Variants in ROBO1 observed in about 807,000 individuals in gnomAD.
The protein encoded by ROBO1 is roundabout guidance receptor 1.
Under a neutral mutation model 195.9 loss-of-function variants are expected in ROBO1, and 149 were observed. The observed-to-expected ratio is 0.76, with a 90% confidence interval of 0.67 to 0.87. The LOEUF (loss-of-function observed/expected upper bound fraction) is 0.87. ROBO1 is among the 40% of genes least tolerant of loss of function. The pLI is 0.00. For synonymous variants in ROBO1, 816 were observed against 733.2 expected (o/e 1.11, Z -1.82); for missense variants, 1,933 against 2,068.3 (o/e 0.93, Z 1.27).
intron 4 of ROBO1, among the ~76,000 whole-genome samples, chr3:78,920,934 G>A (rs1331147107): frequency 6.6e-6 from 1 of 152,020 alleles, no homozygotes; most frequent in African/African-American, 2.4e-5. Flanking sequence ...TCCTGCCTCA[G>A]CATCCCAAAG....
chr3:79,159,562 G>A (rs1335042814), intron 2 of ROBO1, among the ~76,000 whole-genome samples: 2 of 152,058 alleles, frequency 1.3e-5, no homozygotes, highest in South Asian at 2.1e-4. Flanking sequence ...TTTGAAGAGA[G>A]CAACCATTTG....
intron 2 of ROBO1, among the ~76,000 whole-genome samples, chr3:79,271,998 G>A (rs1436486993): frequency 6.6e-6 from 1 of 152,034 alleles, no homozygotes; most frequent in African/African-American, 2.4e-5. Context: ...AAAAATGAGT[G>A]CGTGGGGTGG....
At chr3:79,625,447 A>G (rs1262062107) in intron 1 of ROBO1, among the ~76,000 whole-genome samples, 1 of 144,522 alleles carries the variant, frequency 6.9e-6, no homozygotes, top group Non-Finnish European at 1.5e-5. Context: ...AAAAAAAAGC[A>G]AAATAGACCA....
chr3:79,766,965 T>C (rs1705032437), intron 1 of ROBO1, among the ~76,000 whole-genome samples: 1 of 152,034 alleles, frequency 6.6e-6, no homozygotes, highest in African/African-American at 2.4e-5. Context: ...CTCTCATTCT[T>C]CCTCCTTCCC....
chr3:79,237,405 C>T (rs1285660634), intron 2 of ROBO1, among the ~76,000 whole-genome samples: 8 of 151,844 alleles, frequency 5.3e-5, no homozygotes, highest in African/African-American at 1.9e-4. Flanking sequence ...GGCGGGAACC[C>T]AGGAGGCGGA....
chr3:79,533,793 A>G (rs1309162285), intron 2 of ROBO1, among the ~76,000 whole-genome samples: 2 of 152,176 alleles, frequency 1.3e-5, no homozygotes, highest in Non-Finnish European at 2.9e-5. Context: ...TCTTCTATCC[A>G]AGCTTCAAAT....
chr3:78,657,226 G>C lies in ROBO1; in HGVS notation c.2486C>G (p.Thr829Arg). The change falls in exon 18 of 31, where the codon ACA becomes AGA. Residue 829 changes from threonine to arginine, a missense_variant. Transcript: ENST00000464233. ...CACGGAAAAGGTGGAACCATCCACT[G>C]TTTTGTTGATGTGGTATCGAGTTTC... The part of the protein sequence containing the change: ...GNETRYHINK[T>R]VDGSTFSVVI... 1.9e-6 allele frequency: 3 copies of C among 1,613,712 alleles called. No homozygotes were observed. Among genetic ancestry groups the C allele is most frequent in the Non-Finnish European group, 2.5e-6 (3 of 1,179,756 alleles).
intron 4 of ROBO1, among the ~76,000 whole-genome samples, chr3:78,760,454 C>T (rs1247837037): frequency 6.6e-6 from 1 of 152,024 alleles, no homozygotes; most frequent in African/African-American, 2.4e-5. Context: ...CTGCCTGAGC[C>T]CAGTACTCTA....
chr3:79,574,682 AG>A, intron 2 of ROBO1, among the ~76,000 whole-genome samples: 1 of 151,896 alleles, frequency 6.6e-6, no homozygotes, highest in East Asian at 1.9e-4. Flanking sequence ...TAATTTCTTT[AG>A]TTGATATTTG....
chr3:78,948,250 A>T (rs1021718869), intron 3 of ROBO1, among the ~76,000 whole-genome samples: 6 of 152,212 alleles, frequency 3.9e-5, no homozygotes, highest in Non-Finnish European at 8.8e-5. Context: ...ATGAACATTG[A>T]TGCAAAAATC....
rs948196287 is a variant in ROBO1, at chr3:79,326,659, G to T, written c.89-201120C>A. ...TTAGGTTGACACAAAAGTAATTGTG[G>T]TTTTTGCCATTAATACATTGTGGCC... On this transcript the variant is annotated intron_variant, in intron 2 of 30. Transcript: ENST00000464233. Among the ~76,000 whole-genome samples the T allele has an allele frequency of 2.6e-5, 4 of 152,148 alleles. No homozygotes were observed. In the East Asian group the frequency reaches 7.7e-4, roughly 29 times the overall value.
intron 2 of ROBO1, among the ~76,000 whole-genome samples, chr3:79,237,267 G>C (rs938479664): frequency 6.6e-6 from 1 of 152,070 alleles, no homozygotes; most frequent in Non-Finnish European, 1.5e-5. Context: ...CGGATCACGA[G>C]GTCAGGAGAT....
intron 2 of ROBO1, among the ~76,000 whole-genome samples, chr3:79,245,541 G>A (rs556365096): frequency 9.2e-5 from 14 of 151,860 alleles, no homozygotes; most frequent in Non-Finnish European, 1.9e-4. Context: ...TGTTGGGGAT[G>A]GTGGGGGAAT....
Position 78,661,203 on chromosome 3 carries a change from G to A in ROBO1, c.2147C>T (p.Ala716Val). 1 of 1,612,934 alleles carries A rather than the reference G, an allele frequency of 6.2e-7. No homozygotes were observed. The highest frequency in any genetic ancestry group is 8.5e-7 in the Non-Finnish European group (1 of 1,179,416). Residue 716 changes from alanine (A) to valine (V), a missense_variant, in exon 16 of 31, where the codon GCC becomes GTC. By Grantham distance (64) the Ala-to-Val change is moderately conservative. Around this residue, in one of 3 missense-constraint regions of ROBO1, gnomAD observed 1,737 missense variants for 1,882.5 expected, o/e 0.92. Transcript: ENST00000464233. ...GYKILYRPSGANHGESDWLVF... is the reference protein window; with the variant it reads ...GYKILYRPSGVNHGESDWLVF... ...TAACCAGTCTGATTCTCCGTGGTTG[G>A]CTCCAGATGGCCGATAGAGAATTTT...
intron 3 of ROBO1, among the ~76,000 whole-genome samples, chr3:78,950,394 C>A (rs111927719): frequency 0.11 from 16,313 of 150,748 alleles, 2,184 homozygotes; most frequent in African/African-American, 0.32. Context: ...CACCATTCTC[C>A]GCAAACTATA....
At chr3:79,335,241 ATCT>A (rs1226743757) in intron 2 of ROBO1, among the ~76,000 whole-genome samples, 3 of 152,220 alleles carry the variant, frequency 2.0e-5, no homozygotes, top group African/African-American at 2.4e-5. Flanking sequence ...TTTTTTATTC[ATCT>A]TCTGTATTTA....
At chr3:79,518,677 T>TATG in intron 2 of ROBO1, among the ~76,000 whole-genome samples, 1 of 151,942 alleles carries the variant, frequency 6.6e-6, no homozygotes, top group South Asian at 2.1e-4. Context: ...AATCTTTTAT[T>TATG]ATTATTATTA....
At chr3:78,845,516 C>T (rs868275085) in intron 4 of ROBO1, among the ~76,000 whole-genome samples, 14 of 151,936 alleles carry the variant, frequency 9.2e-5, no homozygotes, top group African/African-American at 3.4e-4. Flanking sequence ...TGTGTTTATA[C>T]AGACACACAT....
At chr3:79,550,180 A>AAAGG in intron 2 of ROBO1, among the ~76,000 whole-genome samples, 1 of 107,626 alleles carries the variant, frequency 9.3e-6, no homozygotes, top group Non-Finnish European at 1.8e-5. Context: ...AGAAAGAAAG[A>AAAGG]AAGAAAGAAA....
Sources: allele counts gnomAD v4.1 joint callset (sites outside exome capture counted in the v4.1 genomes callset), GRCh38; gene constraint gnomAD v4.1.1; regional missense constraint gnomAD v4.1.1; transcripts MANE v1.5; gene names NCBI Gene and HGNC (gene_info 2026-07-23, HGNC 2026-07-21).